Variants in KIF16B observed in about 807,000 individuals in gnomAD.
KIF16B encodes kinesin family member 16B.
A neutral mutation model predicts 156.3 loss-of-function variants in KIF16B; 98 were observed. That is an observed-to-expected ratio of 0.63 (90% CI 0.53 to 0.74). The LOEUF (loss-of-function observed/expected upper bound fraction) is 0.74, where lower values mean the gene tolerates loss of function less well. KIF16B is among the 30% of genes least tolerant of loss of function. The pLI is 0.00. For synonymous variants in KIF16B, 564 were observed against 583.7 expected (o/e 0.97, Z 0.49); for missense variants, 1,421 against 1,606.5 (o/e 0.88, Z 1.97).
intron 25 of KIF16B, among the ~76,000 whole-genome samples, chr20:16,288,201 A>G (rs1463353408): frequency 1.3e-5 from 2 of 152,170 alleles, no homozygotes; most frequent in South Asian, 2.1e-4. Flanking sequence ...TGCAGCTACC[A>G]TGCTGGGCAC....
chr20:16,433,211 T>C (rs1181018930), intron 12 of KIF16B, among the ~76,000 whole-genome samples: 1 of 152,178 alleles, frequency 6.6e-6, no homozygotes, highest in African/African-American at 2.4e-5. Flanking sequence ...AGCTCTGAAC[T>C]GTGACCAAAC....
chr20:16,452,598 C>T (rs183166392), intron 12 of KIF16B, among the ~76,000 whole-genome samples: 26 of 152,046 alleles, frequency 1.7e-4, no homozygotes, highest in East Asian at 1.4e-3. Flanking sequence ...CACTTTAGGA[C>T]GCAGAGGTGG....
At chr20:16,523,825 T>C (rs1200542216) in intron 3 of KIF16B, among the ~76,000 whole-genome samples, 1 of 152,172 alleles carries the variant, frequency 6.6e-6, no homozygotes, top group Non-Finnish European at 1.5e-5. Flanking sequence ...ATGGTACTGA[T>C]ATCAAAACAG....
intron 12 of KIF16B, among the ~76,000 whole-genome samples, chr20:16,454,701 C>T (rs1382365001): frequency 1.1e-4 from 17 of 152,052 alleles, no homozygotes; most frequent in Admixed American, 1.1e-3. Flanking sequence ...CCTTTCAAAT[C>T]AAGTAAGTAA....
At chr20:16,275,995 G>C (rs1454216119) in intron 25 of KIF16B, among the ~76,000 whole-genome samples, 1 of 152,216 alleles carries the variant, frequency 6.6e-6, no homozygotes, top group East Asian at 1.9e-4. Context: ...CTTGTGCATG[G>C]AGCCACTGCT....
chr20:16,530,612 G>C (rs1600638287), intron 1 of KIF16B, among the ~76,000 whole-genome samples: 1 of 152,154 alleles, frequency 6.6e-6, no homozygotes, highest in East Asian at 1.9e-4. Flanking sequence ...CAGCGCTAGG[G>C]GAGAGCCGGA....
At chr20:16,288,073 C>T (rs1017015295) in intron 25 of KIF16B, among the ~76,000 whole-genome samples, 3 of 152,286 alleles carry the variant, frequency 2.0e-5, no homozygotes, top group Middle Eastern at 6.8e-3. Flanking sequence ...AATATAGATG[C>T]CATTAGGACT....
chr20:16,440,533 GCACACACACACACACACACACACACA>G (rs71192333), intron 12 of KIF16B, among the ~76,000 whole-genome samples: 5,612 of 138,326 alleles, frequency 0.041, 313 homozygotes, highest in African/African-American at 0.12. Context: ...ACAAGCGCGC[GCACACACACACACACACACACACACA>G]CACACACACA....
intron 25 of KIF16B, among the ~76,000 whole-genome samples, chr20:16,292,995 G>A (rs2063334349): frequency 6.6e-6 from 1 of 152,110 alleles, no homozygotes; most frequent in African/African-American, 2.4e-5. Context: ...AGAGATAGAC[G>A]AGACAGAAAG....
intron 25 of KIF16B, among the ~76,000 whole-genome samples, chr20:16,292,394 A>G (rs1419936485): frequency 6.6e-6 from 1 of 152,228 alleles, no homozygotes; most frequent in Admixed American, 6.5e-5. Context: ...CATAACTGAC[A>G]CATATAGAAG....
intron 1 of KIF16B, among the ~76,000 whole-genome samples, chr20:16,567,419 T>C (rs565983713): frequency 1.3e-5 from 2 of 152,182 alleles, no homozygotes; most frequent in African/African-American, 4.8e-5. Context: ...AGAGGTTCCA[T>C]CTCAACCGTA....
chr20:16,360,110 T>C (rs569567254), intron 22 of KIF16B, among the ~76,000 whole-genome samples: 1 of 152,248 alleles, frequency 6.6e-6, no homozygotes, highest in Admixed American at 6.5e-5. Flanking sequence ...AATCAAAATG[T>C]GTTCCCATCA....
At chr20:16,455,518 C>T (rs1385484337) in intron 12 of KIF16B, among the ~76,000 whole-genome samples, 1 of 152,246 alleles carries the variant, frequency 6.6e-6, no homozygotes, top group Admixed American at 6.5e-5. Context: ...ATATCCTTAT[C>T]CTGCAACTTC....
intron 22 of KIF16B, chr20:16,367,250 A>G (rs367796871): frequency 7.7e-5 from 124 of 1,612,752 alleles, no homozygotes; most frequent in Non-Finnish European, 1.0e-4. Flanking sequence ...TGAAGATACA[A>G]TGGGGTGGTG....
rs2065895215 is a variant in KIF16B at position 16,410,036 on chromosome 20, CATATATATATGTTG to C, written c.1613-3594_1613-3581del. Among the ~76,000 whole-genome samples the C allele has an allele frequency of 5.3e-4, 24 of 45,254 alleles. 1 individual carries two copies. The highest frequency in any genetic ancestry group is 4.5e-3 in the South Asian group (4 of 898). The allele number at this position is 45,254 out of a possible 152,430, so 29.7% of individuals were successfully genotyped here. ...GTAGGTACATATATATATGTAGGTA[CATATATATATGTTG>C]GTACATATATATATATGTAGGTACA... On this transcript the variant is annotated intron_variant, in intron 15 of 25. Transcript: ENST00000354981.
intron 25 of KIF16B, among the ~76,000 whole-genome samples, chr20:16,286,818 C>T (rs1182936157): frequency 2.6e-5 from 4 of 152,312 alleles, no homozygotes; most frequent in Non-Finnish European, 4.4e-5. Flanking sequence ...CATCATGCTT[C>T]GTGGGATTCA....
In KIF16B at chr20:16,515,572, C is replaced by T. The variant is rs779586518; in HGVS notation, c.324G>A (p.Lys108=). ...VFAYGQTGSG[K]SYTMMGNSGD... is the part of the protein sequence containing the mutation. ...CAGAATTTCCCATCATAGTGTATGA[C>T]TTTCCAGATCCAGTTTGCCCATATG... The change falls in exon 4 of 26, where the codon AAG becomes AAA. Residue 108 remains lysine (K), a synonymous_variant. Transcript: ENST00000354981. The T allele has an allele frequency of 4.4e-6, 7 of 1,603,206 alleles. No individual in the cohort carries two copies. The African/African-American group carries it at 9.4e-5, about 21-fold the overall frequency.
At chr20:16,563,705 TCA>T (rs1195477760) in intron 1 of KIF16B, among the ~76,000 whole-genome samples, 1 of 152,156 alleles carries the variant, frequency 6.6e-6, no homozygotes, top group Non-Finnish European at 1.5e-5. Flanking sequence ...ACTCTCATGC[TCA>T]CACAGTTTCC....
At chr20:16,497,867 T>G (rs1207838070) in intron 10 of KIF16B, among the ~76,000 whole-genome samples, 189 bp from the exon 11 acceptor site, 1 of 152,092 alleles carries the variant, frequency 6.6e-6, no homozygotes, top group Non-Finnish European at 1.5e-5. Flanking sequence ...CTCATAATAT[T>G]CAAAACCATG....
Sources: allele counts gnomAD v4.1 joint callset (sites outside exome capture counted in the v4.1 genomes callset), GRCh38; gene constraint gnomAD v4.1.1; transcripts MANE v1.5; gene names NCBI Gene and HGNC (gene_info 2026-07-23, HGNC 2026-07-21).